Variants in TMC1 observed in about 807,000 individuals in gnomAD.
TMC1 encodes transmembrane channel like 1.
Under a neutral mutation model 105.8 loss-of-function variants are expected in TMC1, and 84 were observed. The observed-to-expected ratio is 0.79, with a 90% CI of 0.67 to 0.95. TMC1 has a LOEUF of 0.95. Among genes scored for constraint, TMC1 ranks in the 40% least tolerant of loss-of-function variants. TMC1 has a pLI of 0.00. For synonymous variants in TMC1, 315 were observed against 311.5 expected (o/e 1.01, Z -0.12); for missense variants, 817 against 914.1 (o/e 0.89, Z 1.37).
intron 3 of TMC1, among the ~76,000 whole-genome samples, chr9:72,623,512 C>T (rs1825293350): frequency 1.3e-5 from 2 of 152,116 alleles, no homozygotes; most frequent in African/African-American, 4.8e-5. Context: ...TGTCACTCTA[C>T]TCCAAGAAAT....
At chr9:72,536,820 T>G (rs1823593525) in intron 1 of TMC1, among the ~76,000 whole-genome samples, 1 of 152,142 alleles carries the variant, frequency 6.6e-6, no homozygotes, top group Non-Finnish European at 1.5e-5. Context: ...GCTGCAGTTG[T>G]ATGTTGCTGG....
chr9:72,544,458 C>T (rs1420465594), intron 1 of TMC1, among the ~76,000 whole-genome samples: 1 of 148,672 alleles, frequency 6.7e-6, no homozygotes. Flanking sequence ...TAGCCCTTCC[C>T]TTTGTTGTTG....
chr9:72,807,465 A>G (rs1828624202), intron 18 of TMC1, among the ~76,000 whole-genome samples: 1 of 152,222 alleles, frequency 6.6e-6, no homozygotes, highest in Non-Finnish European at 1.5e-5. Context: ...ACAATATTCT[A>G]GTAAAATTAG....
chr9:72,706,681 T>C (rs1377743572), intron 8 of TMC1, among the ~76,000 whole-genome samples: 1 of 152,250 alleles, frequency 6.6e-6, no homozygotes, highest in Non-Finnish European at 1.5e-5. Context: ...ATATTTGGTT[T>C]TCCATTCCTG....
chr9:72,565,770 C>T (rs1456429446), intron 1 of TMC1, among the ~76,000 whole-genome samples: 5 of 152,160 alleles, frequency 3.3e-5, no homozygotes, highest in African/African-American at 7.2e-5. Context: ...CAGGCAAGAG[C>T]GTGTGTGCAG....
At chr9:72,620,023 CG>C (rs1564449245) in intron 3 of TMC1, among the ~76,000 whole-genome samples, 4 of 151,548 alleles carry the variant, frequency 2.6e-5, no homozygotes, top group African/African-American at 9.7e-5. Flanking sequence ...TTAGTAGAGA[CG>C]GGGTTTCACC....
intron 5 of TMC1, among the ~76,000 whole-genome samples, chr9:72,674,917 A>T (rs1295976739): frequency 6.6e-6 from 1 of 152,210 alleles, no homozygotes; most frequent in Non-Finnish European, 1.5e-5. Flanking sequence ...CAGGCTATTG[A>T]TGATAATTGT....
chr9:72,681,702 G>A (rs765383927), intron 5 of TMC1, among the ~76,000 whole-genome samples: 4 of 151,918 alleles, frequency 2.6e-5, no homozygotes, highest in East Asian at 1.9e-4. Flanking sequence ...TCCTTCTTAC[G>A]TATATAAAAA....
At chr9:72,649,452 T>C (rs1825766166) in intron 5 of TMC1, among the ~76,000 whole-genome samples, 1 of 152,222 alleles carries the variant, frequency 6.6e-6, no homozygotes, top group African/African-American at 2.4e-5. Context: ...CTTACTCATT[T>C]AATCTTAGAA....
chr9:72,583,408 A>G (rs1296291318), intron 2 of TMC1, among the ~76,000 whole-genome samples: 1 of 152,236 alleles, frequency 6.6e-6, no homozygotes, highest in Non-Finnish European at 1.5e-5. Context: ...AAGAGCAGAT[A>G]AAATAACCTC....
At chr9:72,652,725 T>C (rs1054037204) in intron 5 of TMC1, among the ~76,000 whole-genome samples, 1 of 152,228 alleles carries the variant, frequency 6.6e-6, no homozygotes, top group Non-Finnish European at 1.5e-5. Flanking sequence ...ATTAACTACA[T>C]ATTAGCTAGA....
intron 12 of TMC1, among the ~76,000 whole-genome samples, chr9:72,769,832 G>T (rs1046170768): frequency 5.3e-5 from 8 of 152,180 alleles, no homozygotes; most frequent in African/African-American, 1.9e-4. Flanking sequence ...GGAAGTTGTG[G>T]TGTTGTCCCA....
At chr9:72,655,363 G>T (rs1825868119) in intron 5 of TMC1, among the ~76,000 whole-genome samples, 1 of 152,134 alleles carries the variant, frequency 6.6e-6, no homozygotes, top group Admixed American at 6.6e-5. Context: ...ATTACAGGTT[G>T]CTAGTCCCTT....
intron 2 of TMC1, chr9:72,607,969 A>T (rs1372352099): frequency 6.6e-6 from 1 of 152,164 alleles, no homozygotes; most frequent in Non-Finnish European, 1.5e-5. Flanking sequence ...TTTGGACTTC[A>T]TTGTGTGGTC....
At chr9:72,546,012 G>A (rs1823762584) in intron 1 of TMC1, among the ~76,000 whole-genome samples, 1 of 151,686 alleles carries the variant, frequency 6.6e-6, no homozygotes, top group Non-Finnish European at 1.5e-5. Context: ...ACTGGGTGCA[G>A]TGGCTCACAA....
intron 10 of TMC1, among the ~76,000 whole-genome samples, chr9:72,750,649 C>T (rs536167437): frequency 6.6e-6 from 1 of 152,220 alleles, no homozygotes; most frequent in African/African-American, 2.4e-5. Context: ...CCTATTCATT[C>T]CCCAAAGCTG....
Position 72,723,336 on chromosome 9 carries a change from A to G in TMC1, c.363-16783A>G, listed in dbSNP as rs185799806. ...TTTCTCTCTTTTTAAATTTTATCAT[A>G]AAGTGGAACACTTTTTATTCAAGAG... On this transcript the variant is annotated intron_variant, in intron 8 of 23. Transcript: ENST00000297784. 3.9e-4 allele frequency among the ~76,000 whole-genome samples: 59 copies of G among 152,300 alleles called. 2 individuals are homozygous for G. Among genetic ancestry groups the G allele is most frequent in the African/African-American group, 1.3e-3 (56 of 41,566 alleles).
intron 7 of TMC1, among the ~76,000 whole-genome samples, chr9:72,699,771 A>G (rs979030039): frequency 1.3e-5 from 2 of 151,838 alleles, no homozygotes; most frequent in African/African-American, 4.8e-5. Flanking sequence ...AGCCTGGCCA[A>G]CGTGGTGAAA....
rs183672758 is a variant in TMC1 at position 72,537,088 on chromosome 9, C to T, written c.-428+15175C>T. Among the ~76,000 whole-genome samples, 72 of 152,312 alleles carry T rather than the reference C, an allele frequency of 4.7e-4. 1 individual carries two copies. The highest frequency in any genetic ancestry group is 1.7e-3 in the African/African-American group (70 of 41,572). On this transcript the variant is annotated intron_variant, in intron 1 of 23. Coordinates refer to ENST00000297784, the MANE Select transcript of TMC1 (RefSeq NM_138691.3). The stretch of plus-strand genomic sequence containing the variant: ...ACTTACACCCACCTAAGCAGTGGCT[C>T]AAACAGTACCTGGGGCCATTGGAGC...
Sources: allele counts gnomAD v4.1 joint callset (sites outside exome capture counted in the v4.1 genomes callset), GRCh38; gene constraint gnomAD v4.1.1; transcripts MANE v1.5; gene names NCBI Gene and HGNC (gene_info 2026-07-23, HGNC 2026-07-21).